Variants in PTPRD observed in about 807,000 individuals in gnomAD.
The protein encoded by PTPRD is receptor-type tyrosine-protein phosphatase delta.
Under a neutral mutation model 214.5 loss-of-function variants are expected in PTPRD, and 34 were observed. The observed-to-expected ratio is 0.16, with a 90% CI of 0.12 to 0.21. The LOEUF (loss-of-function observed/expected upper bound fraction) is 0.21, where lower values mean the gene tolerates loss of function less well. Ranked by LOEUF, PTPRD falls within the 10% of genes least tolerant of loss-of-function variation. The pLI is 1.00. For synonymous variants in PTPRD, 1,128 were observed against 845.7 expected, an observed-to-expected ratio of 1.33 and a Z score of -5.79; for missense variants, 2,545 against 2,398.7, an observed-to-expected ratio of 1.06 and a Z score of -1.27.
intron 3 of PTPRD, among the ~76,000 whole-genome samples, chr9:10,159,768 A>C (rs2099116142): frequency 6.6e-6 from 1 of 152,038 alleles, no homozygotes; most frequent in African/African-American, 2.4e-5. Context: ...CAGAGGAAAT[A>C]ATTACTGAGC....
chr9:9,629,046 C>T (rs1269474302), intron 7 of PTPRD, among the ~76,000 whole-genome samples: 7 of 151,486 alleles, frequency 4.6e-5, no homozygotes, highest in Admixed American at 3.9e-4. Context: ...TGGTGGTGTG[C>T]ACCTGTAATC....
At chr9:9,617,982 G>A (rs1325157252) in intron 7 of PTPRD, among the ~76,000 whole-genome samples, 2 of 141,844 alleles carry the variant, frequency 1.4e-5, no homozygotes, top group African/African-American at 5.2e-5. Flanking sequence ...TGAGGCAGGA[G>A]AATGGCGTGA....
chr9:9,401,163 G>A, intron 8 of PTPRD, among the ~76,000 whole-genome samples: 1 of 151,950 alleles, frequency 6.6e-6, no homozygotes, highest in East Asian at 1.9e-4. Flanking sequence ...AATGCAAATA[G>A]GTACCCATTC....
At chr9:9,661,524 C>T (rs1426509091) in intron 7 of PTPRD, among the ~76,000 whole-genome samples, 1 of 151,700 alleles carries the variant, frequency 6.6e-6, no homozygotes, top group Admixed American at 6.6e-5. Flanking sequence ...ACTATGGTAT[C>T]ATTAGACAAT....
At chr9:10,307,775 G>A (rs183154522) in intron 3 of PTPRD, among the ~76,000 whole-genome samples, 3 of 152,046 alleles carry the variant, frequency 2.0e-5, no homozygotes, top group East Asian at 1.9e-4. Flanking sequence ...GGGGTAGAAT[G>A]ATATATCATT....
At chr9:9,442,626 T>C (rs2088551796) in intron 8 of PTPRD, among the ~76,000 whole-genome samples, 1 of 152,192 alleles carries the variant, frequency 6.6e-6, no homozygotes, top group African/African-American at 2.4e-5. Flanking sequence ...TGGATTGTTA[T>C]TTATCTGTGC....
intron 9 of PTPRD, among the ~76,000 whole-genome samples, chr9:9,356,158 A>C (rs903205940): frequency 2.0e-5 from 3 of 151,496 alleles, no homozygotes; most frequent in Admixed American, 6.6e-5. Context: ...TCTGCAAAAG[A>C]AAAAGAACCA....
intron 3 of PTPRD, among the ~76,000 whole-genome samples, chr9:10,160,980 G>A (rs2099124093): frequency 6.6e-6 from 1 of 151,638 alleles, no homozygotes. Context: ...TAGCTACAAA[G>A]AATATAAAAT....
At chr9:10,462,980 ATATATAT>A (rs2098969412) in intron 2 of PTPRD, among the ~76,000 whole-genome samples, 1 of 150,012 alleles carries the variant, frequency 6.7e-6, no homozygotes. Flanking sequence ...TAATATAAAA[ATATATAT>A]TATATATATG....
chr9:8,798,398 G>A (rs1280969612), intron 11 of PTPRD, among the ~76,000 whole-genome samples: 3 of 152,000 alleles, frequency 2.0e-5, no homozygotes, highest in African/African-American at 4.8e-5. Flanking sequence ...GCTTTCAAAC[G>A]GATTAGAGAA....
rs1435802620 is a variant in PTPRD at position 10,551,182 on chromosome 9, TA to T, written c.-600+61215del. 2.0e-5 allele frequency among the ~76,000 whole-genome samples: 3 copies of T among 151,706 alleles called. No individual in the cohort carries two copies. In the South Asian group the frequency reaches 6.3e-4, roughly 32 times the overall value. On this transcript the variant is annotated intron_variant, in intron 2 of 45. Transcript: ENST00000381196. ...CACCCCCAACTCTGCAAAGAAACCTTAAAAAAAGTAGCCATGTATCATGTCA... is the reference window on the plus strand; with the variant it reads ...CACCCCCAACTCTGCAAAGAAACCTTAAAAAAGTAGCCATGTATCATGTCA...
At chr9:9,627,405 A>C (rs139609086) in intron 7 of PTPRD, among the ~76,000 whole-genome samples, 42 of 152,328 alleles carry the variant, frequency 2.8e-4, no homozygotes, top group African/African-American at 1.0e-3. Flanking sequence ...CATCTATGTT[A>C]ATAATTTGTT....
At chr9:9,754,434 C>T (rs536254178) in intron 6 of PTPRD, among the ~76,000 whole-genome samples, 1 of 152,054 alleles carries the variant, frequency 6.6e-6, no homozygotes, top group Non-Finnish European at 1.5e-5. Flanking sequence ...ACTCGGTGAC[C>T]CTCTTCAAGT....
At chr9:9,553,564 C>G (rs2080840601) in intron 8 of PTPRD, among the ~76,000 whole-genome samples, 1 of 151,834 alleles carries the variant, frequency 6.6e-6, no homozygotes, top group African/African-American at 2.4e-5. Flanking sequence ...GCTCTTTCTA[C>G]AGTGTTTTGG....
At chr9:9,081,949 T>C (rs573741985) in intron 10 of PTPRD, among the ~76,000 whole-genome samples, 2 of 151,916 alleles carry the variant, frequency 1.3e-5, no homozygotes, top group Non-Finnish European at 2.9e-5. Context: ...TAACAAGTTC[T>C]GCAACTGAGG....
chr9:9,610,421 G>C (rs2094456047), intron 7 of PTPRD, among the ~76,000 whole-genome samples: 1 of 152,176 alleles, frequency 6.6e-6, no homozygotes, highest in African/African-American at 2.4e-5. Context: ...TCAACGGATT[G>C]ATAATCACTT....
At chr9:9,678,351 G>A (rs1182882383) in intron 7 of PTPRD, among the ~76,000 whole-genome samples, 1 of 151,926 alleles carries the variant, frequency 6.6e-6, no homozygotes, top group African/African-American at 2.4e-5. Flanking sequence ...AAACAACATG[G>A]TACTGGTACC....
At chr9:9,907,179 G>A (rs181360244) in intron 5 of PTPRD, among the ~76,000 whole-genome samples, 1 of 61,548 alleles carries the variant, frequency 1.6e-5, no homozygotes, top group African/African-American at 6.0e-5. Flanking sequence ...TTGTTTTGCG[G>A]TGGCAAACAC....
At chr9:9,880,045 G>T (rs1475653202) in intron 5 of PTPRD, among the ~76,000 whole-genome samples, 3 of 152,020 alleles carry the variant, frequency 2.0e-5, no homozygotes, top group Non-Finnish European at 2.9e-5. Flanking sequence ...CACATGTCGA[G>T]GGGGGGACCT....
Sources: gnomAD v4.1 joint callset for allele counts (sites outside exome capture counted in the v4.1 genomes callset) on GRCh38, gnomAD v4.1.1 for gene constraint, MANE v1.5 for transcripts, NCBI Gene and HGNC (gene_info 2026-07-23, HGNC 2026-07-21) for gene names.